Variants in SLC22A24 observed in about 807,000 individuals in gnomAD.
The protein encoded by SLC22A24 is steroid transmembrane transporter SLC22A24.
SLC22A24 carries 53 observed loss-of-function variants against 49.8 expected under a neutral mutation model. The observed-to-expected ratio is 1.06, with a 90% CI of 0.85 to 1.34. SLC22A24 has a LOEUF of 1.34. SLC22A24 is among the 40% of genes most tolerant of loss of function. The pLI, the probability that SLC22A24 is intolerant of heterozygous loss-of-function variation, is 0.00. For missense variants in SLC22A24, 786 were observed against 675.9 expected, an observed-to-expected ratio of 1.16 and a Z score of -1.81; for synonymous variants, 302 against 256.4, an observed-to-expected ratio of 1.18 and a Z score of -1.70.
chr11:63,127,465 A>G (rs1350333717), intron 2 of SLC22A24, among the ~76,000 whole-genome samples: 1 of 152,212 alleles, frequency 6.6e-6, no homozygotes, highest in Non-Finnish European at 1.5e-5. Flanking sequence ...TTAGAGTAGC[A>G]TGATTTATAA....
intron 5 of SLC22A24, among the ~76,000 whole-genome samples, chr11:63,099,679 A>G (rs2087078821): frequency 6.6e-6 from 1 of 152,058 alleles, no homozygotes; most frequent in Non-Finnish European, 1.5e-5. Context: ...TCCTCAATGA[A>G]ATACTAGCAA....
At chr11:63,134,814 A>T in intron 1 of SLC22A24, 46 bp from the exon 2 acceptor site, 2 of 1,346,848 alleles carry the variant, frequency 1.5e-6, no homozygotes, top group Non-Finnish European at 2.1e-6. Flanking sequence ...GAAGAGTTTC[A>T]ACTCTTTAGT....
chr11:63,125,307 A>T (rs1325962134), intron 2 of SLC22A24, among the ~76,000 whole-genome samples: 1 of 151,952 alleles, frequency 6.6e-6, no homozygotes, highest in African/African-American at 2.4e-5. Context: ...CTCCTCCCCT[A>T]GCCCTGCACT....
rs1443609959 is a variant in SLC22A24, at chr11:63,144,035, T to C, written c.-256A>G. ...AGATATAATTATTTGGCAAAGAGAC[T>C]GCTAGCTGTTGACAACTGAATCTTC... On this transcript the variant is annotated 5_prime_UTR_variant, in exon 1 of 10. Transcript: ENST00000612278. 6.3e-6 allele frequency: 2 copies of C among 317,870 alleles called. No individual in the cohort carries two copies. Among genetic ancestry groups the C allele is most frequent in the Non-Finnish European group, 1.1e-5 (2 of 174,590 alleles). 19.7% of individuals were successfully genotyped at this position (317,870 alleles called of 1,614,324 possible). A position where few individuals can be genotyped will look rare whatever the true frequency, so the allele number is the denominator to read the frequency against.
At chr11:63,112,954 G>C (rs918211005) in intron 4 of SLC22A24, among the ~76,000 whole-genome samples, 1 of 139,240 alleles carries the variant, frequency 7.2e-6, no homozygotes, top group Non-Finnish European at 1.5e-5. Flanking sequence ...GCCGGAGCTT[G>C]TAGTGAGCCA....
rs973817165 is a variant in SLC22A24, at chr11:63,121,679, G to A, written c.507-2344C>T. 2.0e-5 allele frequency among the ~76,000 whole-genome samples: 3 copies of A among 151,336 alleles called. No individual in the cohort carries two copies. The East Asian group carries it at 5.8e-4, about 29-fold the overall frequency. On this transcript the variant is annotated intron_variant, in intron 2 of 9. Transcript: ENST00000612278. ...ATACTTTAAGTTTTAGGGTACATGTGCACAATGTGCAGGTTAGTTACATAT... is the reference window on the plus strand; with the variant it reads ...ATACTTTAAGTTTTAGGGTACATGTACACAATGTGCAGGTTAGTTACATAT...
At chr11:63,117,783 A>T (rs2087222174) in intron 4 of SLC22A24, among the ~76,000 whole-genome samples, 1 of 152,202 alleles carries the variant, frequency 6.6e-6, no homozygotes, top group African/African-American at 2.4e-5. Context: ...ATAACTGTTT[A>T]TGTTATTGTT....
chr11:63,086,994 AAATG>A (rs1454957622), intron 6 of SLC22A24, among the ~76,000 whole-genome samples: 1 of 148,924 alleles, frequency 6.7e-6, no homozygotes, highest in Non-Finnish European at 1.5e-5. Flanking sequence ...TTTGCAAAAA[AAATG>A]AATTAAGCTT....
At chr11:63,092,265 T>C (rs1189950499) in intron 6 of SLC22A24, among the ~76,000 whole-genome samples, 1 of 151,014 alleles carries the variant, frequency 6.6e-6, no homozygotes, top group Non-Finnish European at 1.5e-5. Flanking sequence ...CACAAACAAA[T>C]GGAAAAAAAT....
At chr11:63,110,976 G>A (rs2087159088) in intron 4 of SLC22A24, among the ~76,000 whole-genome samples, 1 of 152,000 alleles carries the variant, frequency 6.6e-6, no homozygotes, top group African/African-American at 2.4e-5. Flanking sequence ...TATGATATTG[G>A]CTGTGGGTTT....
intron 6 of SLC22A24, among the ~76,000 whole-genome samples, chr11:63,090,489 G>A (rs1470269693): frequency 9.2e-5 from 14 of 151,770 alleles, no homozygotes; most frequent in Admixed American, 9.2e-4. Flanking sequence ...GCAAAAGAAC[G>A]GAAATCATAA....
chr11:63,108,163 A>C (rs1039018891), intron 4 of SLC22A24, among the ~76,000 whole-genome samples: 1 of 152,144 alleles, frequency 6.6e-6, no homozygotes, highest in Admixed American at 6.6e-5. Flanking sequence ...AATTTTGTCA[A>C]AGGCCTTTTC....
At chr11:63,108,990 TC>T (rs1378119808) in intron 4 of SLC22A24, among the ~76,000 whole-genome samples, 1 of 95,860 alleles carries the variant, frequency 1.0e-5, no homozygotes, top group Non-Finnish European at 2.0e-5. Context: ...ATGCTATCCC[TC>T]CCCCCTCCCC....
chr11:63,139,473 T>C (rs1407568626), intron 1 of SLC22A24, among the ~76,000 whole-genome samples: 7 of 152,162 alleles, frequency 4.6e-5, no homozygotes, highest in Admixed American at 3.3e-4. Context: ...CCTTAGGGGA[T>C]GGCTAATAGT....
In SLC22A24 at chr11:63,096,067, G is replaced by A. The variant is rs1310730794; in HGVS notation, c.994C>T (p.Arg332Ter). ...AGGGAAAAAATGGATGTTTTAATTC[G>A]GACTGCATCCAACTCCTTCTTCATG... ...STMKKELDAVRIKTSIFSLFR... is the reference protein window; with the variant it reads ...STMKKELDAV The change falls in exon 6 of 10, where the codon CGA becomes TGA. Residue 332 changes from arginine (R) to a stop codon, truncating the protein, a stop_gained. Transcript: ENST00000612278. LOFTEE classifies it high-confidence loss of function. 55 of 1,550,564 alleles carry A rather than the reference G, an allele frequency of 3.5e-5. No homozygotes were observed. Among genetic ancestry groups the A allele is most frequent in the Admixed American group, 5.9e-5 (3 of 50,928 alleles).
chr11:63,139,808 C>G (rs753524180), intron 1 of SLC22A24, among the ~76,000 whole-genome samples: 1 of 152,138 alleles, frequency 6.6e-6, no homozygotes, highest in African/African-American at 2.4e-5. Flanking sequence ...GCTCTCCTGG[C>G]CCTTTTCCTC....
At chr11:63,097,347 G>A (rs1039267303) in intron 5 of SLC22A24, among the ~76,000 whole-genome samples, 1 of 152,294 alleles carries the variant, frequency 6.6e-6, no homozygotes, top group South Asian at 2.1e-4. Context: ...CTGGTCATTA[G>A]AGAAATGCAA....
intron 2 of SLC22A24, among the ~76,000 whole-genome samples, chr11:63,124,800 G>A (rs943330129): frequency 6.6e-6 from 1 of 152,214 alleles, no homozygotes; most frequent in East Asian, 1.9e-4. Context: ...CATGTCCTTT[G>A]TAGGGACATG....
At chr11:63,115,862 G>T (rs2087209189) in intron 4 of SLC22A24, 1 of 238,924 alleles carries the variant, frequency 4.2e-6, no homozygotes, top group Non-Finnish European at 8.3e-6. Context: ...TCCTCACCTT[G>T]GTAGACAGAG....
Sources: gnomAD v4.1 joint callset for allele counts (sites outside exome capture counted in the v4.1 genomes callset) on GRCh38, gnomAD v4.1.1 for gene constraint, MANE v1.5 for transcripts, NCBI Gene and HGNC (gene_info 2026-07-23, HGNC 2026-07-21) for gene names.